The following MYO18B variants were observed in gnomAD, a reference collection of about 807,000 sequenced individuals.
MYO18B encodes unconventional myosin-XVIIIb.
A neutral mutation model predicts 273.0 loss-of-function variants in MYO18B; 204 were observed. The ratio of observed to expected loss-of-function variants is 0.75; its 90% confidence interval spans 0.67 to 0.84. The LOEUF is 0.84. Among genes scored for constraint, MYO18B ranks in the 40% least tolerant of loss-of-function variants. The pLI is 0.00. For missense variants in MYO18B, 3,212 were observed against 3,287.6 expected, an observed-to-expected ratio of 0.98 and a Z score of 0.56; for synonymous variants, 1,330 against 1,305.7, an observed-to-expected ratio of 1.02 and a Z score of -0.40.
rs1030283030 is a variant in MYO18B at position 25,955,226 on chromosome 22, G to A, written c.6018G>A (p.Glu2006=). 5 of 1,613,264 alleles carry A rather than the reference G, an allele frequency of 3.1e-6. No individual in the cohort carries two copies. In the African/African-American group the frequency reaches 5.3e-5, roughly 17 times the overall value. ...LRDSLIKMGE[E]LSQAATSESQ... is the part of the protein sequence containing the mutation. ...ACAGCCTGATCAAGATGGGGGAGGAGCTTTCACAGGCGGCCACCTCCGAGT... is the reference window on the plus strand; with the variant it reads ...ACAGCCTGATCAAGATGGGGGAGGAACTTTCACAGGCGGCCACCTCCGAGT... The change falls in exon 39 of 44, where the codon GAG becomes GAA. Residue 2006 remains glutamate, a synonymous_variant. Transcript: ENST00000335473.
chr22:25,937,837 G>A (rs1411812031), intron 34 of MYO18B, among the ~76,000 whole-genome samples: 4 of 152,154 alleles, frequency 2.6e-5, no homozygotes, highest in South Asian at 4.2e-4. Context: ...TGCATGCCTC[G>A]GCCTTCCAAA....
intron 1 of MYO18B, among the ~76,000 whole-genome samples, chr22:25,760,158 G>A (rs2086256536): frequency 6.6e-6 from 1 of 152,116 alleles, no homozygotes; most frequent in Non-Finnish European, 1.5e-5. Flanking sequence ...GCTCATGCCT[G>A]TAATTCCAGC....
chr22:25,854,441 T>C (rs2090510815), intron 21 of MYO18B, among the ~76,000 whole-genome samples: 2 of 152,156 alleles, frequency 1.3e-5, no homozygotes, highest in Non-Finnish European at 2.9e-5. Flanking sequence ...CAGGTAGTAG[T>C]AGAGCTGGGA....
chr22:25,851,785 C>G (rs967115681), intron 21 of MYO18B, among the ~76,000 whole-genome samples: 4 of 152,118 alleles, frequency 2.6e-5, no homozygotes, highest in Non-Finnish European at 5.9e-5. Context: ...GGCTCATGTT[C>G]CATAAGGGAT....
chr22:25,801,764 C>T (rs900985819), intron 12 of MYO18B, among the ~76,000 whole-genome samples: 2 of 152,162 alleles, frequency 1.3e-5, no homozygotes, highest in Admixed American at 1.3e-4. Context: ...CTCCTTAGAA[C>T]AGCCTGGGAG....
intron 25 of MYO18B, among the ~76,000 whole-genome samples, chr22:25,885,824 C>G (rs1036663097): frequency 1.3e-5 from 2 of 152,190 alleles, no homozygotes; most frequent in African/African-American, 4.8e-5. Context: ...ATAACTGTCC[C>G]TTCATTCTAG....
At chr22:25,862,162 T>C (rs1345190845) in intron 21 of MYO18B, among the ~76,000 whole-genome samples, 1 of 152,184 alleles carries the variant, frequency 6.6e-6, no homozygotes, top group Non-Finnish European at 1.5e-5. Flanking sequence ...GAGTAGGTTA[T>C]TTGTAAATAC....
rs765816753 is a variant in MYO18B at position 26,027,607 on chromosome 22, C to T, written c.7633C>T (p.Arg2545Trp). The T allele has an allele frequency of 5.6e-6, 9 of 1,613,772 alleles. No homozygotes were observed. Among genetic ancestry groups the T allele is most frequent in the African/African-American group, 2.7e-5 (2 of 74,982 alleles). ...GDGGERTSPE[R>W]REPGTGRKDD... ...CGGTGGCGAGCGAACGTCCCCCGAG[C>T]GGAGAGAGCCAGGGACGGGGAGGAA... Residue 2545 changes from arginine (R) to tryptophan (W), a missense_variant, in exon 43 of 44, where the codon CGG becomes TGG. By Grantham distance (101) the Arg-to-Trp change is moderately radical (BLOSUM62 -3). Coordinates refer to ENST00000335473, the MANE Select transcript of MYO18B (RefSeq NM_032608.7). The surrounding 1 kb of genome is among the most constrained non-coding windows in gnomAD (Gnocchi z 4.1).
chr22:25,794,472 C>T (rs908793319), intron 11 of MYO18B, among the ~76,000 whole-genome samples: 7 of 152,062 alleles, frequency 4.6e-5, no homozygotes, highest in African/African-American at 1.7e-4. Flanking sequence ...AGGCATGAGC[C>T]ACCACAGCTG....
chr22:25,903,187 C>T, intron 30 of MYO18B: 2 of 198,790 alleles, frequency 1.0e-5, no homozygotes, highest in South Asian at 2.0e-4. Flanking sequence ...CGTTCAACTC[C>T]TTCACGATCT....
chr22:25,974,104 A>G (rs1045174193), intron 39 of MYO18B, among the ~76,000 whole-genome samples: 1 of 152,140 alleles, frequency 6.6e-6, no homozygotes, highest in Non-Finnish European at 1.5e-5. Flanking sequence ...TTTACTCACT[A>G]AACTCTTTTA....
rs558316684 is a variant in MYO18B at position 25,952,255 on chromosome 22, G to C, written c.5833-31G>C. On this transcript the variant is annotated intron_variant, in intron 37 of 43. Transcript: ENST00000335473. ...CTCTGTCCTGGTATCAGGGACAACA[G>C]ATGTCCAATAGACTTCTCTCATACT... 7.5e-6 allele frequency: 12 copies of C among 1,601,000 alleles called. No individual in the cohort carries two copies. In the South Asian group the frequency reaches 1.2e-4, roughly 17 times the overall value.
chr22:25,898,375 C>T lies in MYO18B; in HGVS notation c.4737C>T (p.His1579=), dbSNP rs1006034247. The T allele has an allele frequency of 1.2e-6, 2 of 1,613,940 alleles. No individual in the cohort carries two copies. Among genetic ancestry groups the T allele is most frequent in the East Asian group, 2.2e-5 (1 of 44,882 alleles). Residue 1579 remains histidine, a synonymous_variant, in exon 29 of 44, where the codon CAC becomes CAT. Coordinates refer to ENST00000335473, the MANE Select transcript of MYO18B (RefSeq NM_032608.7). ...KMAHQLKRKC[H]HLTCDLEDTC... The stretch of plus-strand genomic sequence containing the variant: ...CTCACCAACTGAAGAGGAAGTGCCA[C>T]CATCTTACCTGTGACCTTGAGGATA...
chr22:25,826,124 G>T (rs2089480626), intron 13 of MYO18B, among the ~76,000 whole-genome samples: 1 of 152,204 alleles, frequency 6.6e-6, no homozygotes, highest in Admixed American at 6.5e-5. Context: ...GGTGATGGTG[G>T]TAGTCAAGGA....
intron 20 of MYO18B, among the ~76,000 whole-genome samples, chr22:25,848,538 G>C (rs1227597370): frequency 6.6e-6 from 1 of 152,182 alleles, no homozygotes; most frequent in Non-Finnish European, 1.5e-5. Flanking sequence ...CGCAGGCTGG[G>C]AATGCCTCTG....
At chr22:25,881,668 A>T (rs2091339650) in intron 25 of MYO18B, among the ~76,000 whole-genome samples, 1 of 152,206 alleles carries the variant, frequency 6.6e-6, no homozygotes, top group Non-Finnish European at 1.5e-5. Context: ...TGCAGTTTAC[A>T]GGACACTTGG....
Position 25,881,410 on chromosome 22 carries a change from T to G in MYO18B, c.4314+3362T>G, listed in dbSNP as rs149684734. Among the ~76,000 whole-genome samples the G allele has an allele frequency of 5.3e-5, 8 of 152,324 alleles. No homozygotes were observed. The East Asian group carries it at 1.5e-3, about 29-fold the overall frequency. ...GACACACACGTGCCTGATGTCTCATTCATGTCTTGCGAGAGCAAGCTGTCT... is the reference window on the plus strand; with the variant it reads ...GACACACACGTGCCTGATGTCTCATGCATGTCTTGCGAGAGCAAGCTGTCT... On this transcript the variant is annotated intron_variant, in intron 25 of 43. Transcript: ENST00000335473.
chr22:25,925,837 A>AGAGGTTGT (rs2146470027), intron 34 of MYO18B, among the ~76,000 whole-genome samples: 2 of 140,590 alleles, frequency 1.4e-5, no homozygotes, highest in African/African-American at 5.3e-5. Context: ...CCCGGGAGGT[A>AGAGGTTGT]GAGGTTGTGG....
At chr22:26,019,274 AT>A (rs1935617780) in intron 42 of MYO18B, among the ~76,000 whole-genome samples, 1 of 152,216 alleles carries the variant, frequency 6.6e-6, no homozygotes, top group Non-Finnish European at 1.5e-5. Flanking sequence ...AAATGGGACG[AT>A]AAAGGGCAGT....
Sources: allele counts gnomAD v4.1 joint callset (sites outside exome capture counted in the v4.1 genomes callset), GRCh38; gene constraint gnomAD v4.1.1; non-coding constraint Gnocchi (gnomAD v3.1); transcripts MANE v1.5; gene names NCBI Gene and HGNC (gene_info 2026-07-23, HGNC 2026-07-21).